SLC25A13: variants seen among roughly 807,000 people sequenced by gnomAD.
The protein encoded by SLC25A13 is electrogenic aspartate/glutamate antiporter SLC25A13, mitochondrial.
Under a neutral mutation model 85.5 loss-of-function variants are expected in SLC25A13, and 70 were observed. That is an observed-to-expected ratio of 0.82 (90% CI 0.68 to 1.00). The LOEUF is 1.00. Ranked by LOEUF, SLC25A13 falls within the 50% of genes least tolerant of loss-of-function variation. The probability of loss-of-function intolerance (pLI) is 0.00; values close to 1 mark genes in which losing one functional copy is unlikely to be tolerated. For synonymous variants in SLC25A13, 259 were observed against 288.7 expected, an observed-to-expected ratio of 0.90 and a Z score of 1.04; for missense variants, 765 against 819.8, an observed-to-expected ratio of 0.93 and a Z score of 0.82.
intron 2 of SLC25A13, among the ~76,000 whole-genome samples, chr7:96,296,634 C>T (rs1799361107): frequency 6.6e-6 from 1 of 152,096 alleles, no homozygotes; most frequent in African/African-American, 2.4e-5. Flanking sequence ...GCACGTGCCA[C>T]CACACCTGGC....
At chr7:96,210,413 G>A (rs1341750246) in intron 4 of SLC25A13, among the ~76,000 whole-genome samples, 1 of 152,200 alleles carries the variant, frequency 6.6e-6, no homozygotes, top group Non-Finnish European at 1.5e-5. Context: ...TTCTCAGTGA[G>A]TCTGACCAGG....
intron 1 of SLC25A13, among the ~76,000 whole-genome samples, chr7:96,311,965 T>C (rs1306210593): frequency 2.6e-5 from 4 of 152,164 alleles, no homozygotes; most frequent in Admixed American, 6.5e-5. Context: ...CTGTGAAGAA[T>C]ATGAAAATCG....
chr7:96,126,212 C>A (rs1193942167), intron 15 of SLC25A13, among the ~76,000 whole-genome samples: 1 of 152,150 alleles, frequency 6.6e-6, no homozygotes, highest in Admixed American at 6.6e-5. Flanking sequence ...TTAGGATATG[C>A]TGGCAGGGTG....
intron 9 of SLC25A13, among the ~76,000 whole-genome samples, chr7:96,188,425 C>T (rs1017412940): frequency 2.8e-4 from 42 of 152,316 alleles, no homozygotes; most frequent in African/African-American, 9.6e-4. Flanking sequence ...AAAAGTGTAG[C>T]CTGCAGCAAC....
intron 1 of SLC25A13, among the ~76,000 whole-genome samples, chr7:96,316,629 CCTAA>C (rs1800137648): frequency 6.6e-6 from 1 of 152,160 alleles, no homozygotes. Context: ...CTTAACCTCC[CCTAA>C]CTCAGTTTTC....
At chr7:96,176,534 T>C (rs920089758) in intron 11 of SLC25A13, among the ~76,000 whole-genome samples, 3 of 152,190 alleles carry the variant, frequency 2.0e-5, no homozygotes, top group Non-Finnish European at 4.4e-5. Flanking sequence ...AGTATTAATG[T>C]AGTATTTTGT....
chr7:96,259,023 T>G (rs1659262390), intron 3 of SLC25A13, among the ~76,000 whole-genome samples: 1 of 152,180 alleles, frequency 6.6e-6, no homozygotes, highest in South Asian at 2.1e-4. Flanking sequence ...TGCAGAAAAC[T>G]GAAACTGGAT....
rs550661000 is a variant in SLC25A13 at position 96,120,912 on chromosome 7, C to A, written c.*279G>T. 6.1e-5 allele frequency: 34 copies of A among 556,850 alleles called. No individual in the cohort carries two copies. The East Asian group carries it at 1.4e-3, about 22-fold the overall frequency. 34.5% of individuals were successfully genotyped at this position (556,850 alleles called of 1,614,324 possible). A position where few individuals can be genotyped will look rare whatever the true frequency, so the allele number is the denominator to read the frequency against. Reference sequence around the variant, plus strand: ...TACTAATTTCTATTCTGACTTGCTCCTTTCCCCAAATCATGTTAGTGTTGA... The same window carrying A: ...TACTAATTTCTATTCTGACTTGCTCATTTCCCCAAATCATGTTAGTGTTGA... On this transcript the variant is annotated 3_prime_UTR_variant, in exon 18 of 18. Coordinates refer to ENST00000265631, the MANE Select transcript of SLC25A13 (RefSeq NM_014251.3).
At chr7:96,197,001 G>C (rs1795088172) in intron 5 of SLC25A13, among the ~76,000 whole-genome samples, 1 of 152,142 alleles carries the variant, frequency 6.6e-6, no homozygotes, top group Non-Finnish European at 1.5e-5. Flanking sequence ...TATAAGGTAG[G>C]TACTATTATT....
intron 11 of SLC25A13, among the ~76,000 whole-genome samples, chr7:96,174,173 G>A (rs1408281145): frequency 6.6e-6 from 1 of 152,228 alleles, no homozygotes; most frequent in Admixed American, 6.5e-5. Context: ...CCAGCCTCCA[G>A]TGCAGCTCCT....
Position 96,120,404 on chromosome 7 carries a change from AG to A in SLC25A13, c.*786del. The stretch of plus-strand genomic sequence containing the variant: ...TGAGGAGAATAGGGCAGGCAGCAAC[AG>A]GGCAACATGCATTTTTCAAGAGTGT... On this transcript the variant is annotated 3_prime_UTR_variant, in exon 18 of 18. Transcript: ENST00000265631. 1 of 454,240 alleles carries A rather than the reference AG, an allele frequency of 2.2e-6. No homozygotes were observed. Among genetic ancestry groups the A allele is most frequent in the Non-Finnish European group, 4.4e-6 (1 of 226,794 alleles). 28.1% of individuals were successfully genotyped at this position (454,240 alleles called of 1,614,324 possible).
At chr7:96,166,974 C>G (rs1254798299) in intron 13 of SLC25A13, 1 of 152,200 alleles carries the variant, frequency 6.6e-6, no homozygotes, top group African/African-American at 2.4e-5. Context: ...CCCACAACTA[C>G]AACCCTAATT....
chr7:96,124,658 T>C (rs548727446), intron 15 of SLC25A13, among the ~76,000 whole-genome samples: 2 of 152,240 alleles, frequency 1.3e-5, no homozygotes, highest in East Asian at 1.9e-4. Flanking sequence ...CACTGTTTTA[T>C]GAAACTTCAT....
intron 1 of SLC25A13, among the ~76,000 whole-genome samples, chr7:96,318,800 A>G (rs1372436423): frequency 6.6e-6 from 1 of 152,182 alleles, no homozygotes; most frequent in African/African-American, 2.4e-5. Flanking sequence ...TATTCAAACA[A>G]TTTGTCACAG....
intron 1 of SLC25A13, among the ~76,000 whole-genome samples, chr7:96,311,822 A>C (rs1334820268): frequency 6.6e-6 from 1 of 152,174 alleles, no homozygotes; most frequent in Non-Finnish European, 1.5e-5. Flanking sequence ...AAAAAAAAGA[A>C]ACATTTCTGT....
intron 1 of SLC25A13, among the ~76,000 whole-genome samples, chr7:96,318,873 C>G (rs1488092842): frequency 6.6e-6 from 1 of 152,192 alleles, no homozygotes; most frequent in African/African-American, 2.4e-5. Context: ...GCCCAATTTC[C>G]TAACAGTCCA....
chr7:96,202,550 T>C (rs1280144378), intron 5 of SLC25A13, among the ~76,000 whole-genome samples: 3 of 4,334 alleles, frequency 6.9e-4, no homozygotes, highest in African/African-American at 5.0e-4. Flanking sequence ...ATTCAGAGCA[T>C]TGCAATTTCT....
At chr7:96,155,158 C>T (rs1793211280) in intron 13 of SLC25A13, among the ~76,000 whole-genome samples, 1 of 152,078 alleles carries the variant, frequency 6.6e-6, no homozygotes, top group South Asian at 2.1e-4. Flanking sequence ...ATTGAGAGTA[C>T]ATAGTTAATC....
intron 4 of SLC25A13, among the ~76,000 whole-genome samples, chr7:96,226,199 C>CT (rs1386832906): frequency 1.3e-5 from 2 of 152,118 alleles, no homozygotes; most frequent in African/African-American, 4.8e-5. Context: ...CTCACAGCCC[C>CT]TGGTAGCCAC....
Sources: allele counts gnomAD v4.1 joint callset (sites outside exome capture counted in the v4.1 genomes callset), GRCh38; gene constraint gnomAD v4.1.1; transcripts MANE v1.5; gene names NCBI Gene and HGNC (gene_info 2026-07-23, HGNC 2026-07-21).